Variants in NNT observed in about 807,000 individuals in gnomAD.
NNT encodes the protein nicotinamide nucleotide transhydrogenase, also known as NAD(P) transhydrogenase, mitochondrial.
Under a neutral mutation model 104.8 loss-of-function variants are expected in NNT, and 50 were observed. That is an observed-to-expected ratio of 0.48 (90% CI 0.38 to 0.60). The LOEUF is 0.60. Among genes scored for constraint, NNT ranks in the 20% least tolerant of loss-of-function variants. The pLI, the probability that NNT is intolerant of heterozygous loss-of-function variation, is 0.00. For synonymous variants in NNT, 461 were observed against 490.4 expected, an observed-to-expected ratio of 0.94 and a Z score of 0.79; for missense variants, 1,131 against 1,330.7, an observed-to-expected ratio of 0.85 and a Z score of 2.33.
chr5:43,642,611 G>A (rs1751296966), intron 7 of NNT, among the ~76,000 whole-genome samples: 1 of 152,200 alleles, frequency 6.6e-6, no homozygotes, highest in Non-Finnish European at 1.5e-5. Flanking sequence ...CGAGCCCAGT[G>A]TGGCTGAAAT....
intron 4 of NNT, among the ~76,000 whole-genome samples, chr5:43,618,258 C>T (rs1367280085): frequency 1.3e-5 from 2 of 152,108 alleles, no homozygotes. Context: ...TCCTCACGAC[C>T]CTAAAAGATA....
intron 17 of NNT, among the ~76,000 whole-genome samples, chr5:43,664,907 A>G (rs538695937): frequency 6.6e-6 from 1 of 152,318 alleles, no homozygotes; most frequent in South Asian, 2.1e-4. Context: ...TACATGTTTA[A>G]CAAGTTGACT....
rs1579962302 is a variant in NNT, at chr5:43,606,853, T to C, written c.-53-2290T>C. Among the ~76,000 whole-genome samples the C allele has an allele frequency of 2.0e-5, 3 of 152,376 alleles. No individual in the cohort carries two copies. In the East Asian group the frequency reaches 5.8e-4, roughly 29 times the overall value. On this transcript the variant is annotated intron_variant, in intron 1 of 21. Coordinates refer to ENST00000344920, the MANE Select transcript of NNT (RefSeq NM_182977.3). Reference sequence around the variant, plus strand: ...ATGGCAAAACTCTGCCCTTGGTATATATTTGTTGAATTAAGGGGCATCTTA... The same window carrying C: ...ATGGCAAAACTCTGCCCTTGGTATACATTTGTTGAATTAAGGGGCATCTTA...
At chr5:43,634,346 G>A (rs1205393529) in intron 7 of NNT, among the ~76,000 whole-genome samples, 3 of 152,076 alleles carry the variant, frequency 2.0e-5, no homozygotes, top group East Asian at 1.9e-4. Context: ...CTGTGCTTTC[G>A]GGCAAGAGAG....
chr5:43,615,618 GGT>G (rs1184520643), intron 3 of NNT, among the ~76,000 whole-genome samples: 1 of 152,136 alleles, frequency 6.6e-6, no homozygotes, highest in African/African-American at 2.4e-5. Flanking sequence ...GTATTTCCCA[GGT>G]GTGTGTGCCC....
At chr5:43,628,129 G>A (rs1184407498) in intron 6 of NNT, 71 bp from the exon 7 acceptor site, 1 of 1,190,930 alleles carries the variant, frequency 8.4e-7, no homozygotes, top group Non-Finnish European at 1.1e-6. Context: ...AAAGGTATAT[G>A]TAAATGATGA....
At chr5:43,639,098 T>C (rs1751087394) in intron 7 of NNT, among the ~76,000 whole-genome samples, 1 of 152,162 alleles carries the variant, frequency 6.6e-6, no homozygotes. Context: ...GATATATTCT[T>C]TTGCTACATA....
intron 19 of NNT, among the ~76,000 whole-genome samples, chr5:43,694,858 C>T (rs538732639): frequency 2.6e-4 from 39 of 150,944 alleles, no homozygotes; most frequent in African/African-American, 2.7e-4. Flanking sequence ...TTGGTTTTTT[C>T]GAATCATTTC....
At chr5:43,700,359 A>G (rs2112248379) in intron 20 of NNT, 122 bp downstream of exon 20, 4 of 607,760 alleles carry the variant, frequency 6.6e-6, no homozygotes, top group South Asian at 4.8e-5. Flanking sequence ...GAACTTGTAC[A>G]TGGTAGATAA....
At chr5:43,670,958 CG>C (rs1417801021) in intron 17 of NNT, among the ~76,000 whole-genome samples, 2 of 152,056 alleles carry the variant, frequency 1.3e-5, no homozygotes, top group Non-Finnish European at 2.9e-5. Flanking sequence ...TTTATGAATC[CG>C]GGTGCCCCTG....
chr5:43,651,897 T>G lies in NNT; in HGVS notation c.1863+13T>G, dbSNP rs1417058606. The G allele has an allele frequency of 1.9e-6, 3 of 1,609,742 alleles. No individual in the cohort carries two copies. The highest frequency in any genetic ancestry group is 3.4e-5 in the Admixed American group (2 of 58,930). On this transcript the variant is annotated intron_variant, in intron 13 of 21. Coordinates refer to ENST00000344920, the MANE Select transcript of NNT (RefSeq NM_182977.3). ...TAACATTGAACAGGTAAGATGCTCT[T>G]TGTAAGTTTTTATATTTACCACAAT...
At chr5:43,623,271 CA>C in intron 5 of NNT, among the ~76,000 whole-genome samples, 1 of 152,244 alleles carries the variant, frequency 6.6e-6, no homozygotes, top group East Asian at 1.9e-4. Flanking sequence ...TCTACAGGAA[CA>C]AAGTGTTGCT....
chr5:43,631,446 A>T (rs1234484825), intron 7 of NNT, among the ~76,000 whole-genome samples: 1 of 152,186 alleles, frequency 6.6e-6, no homozygotes, highest in Non-Finnish European at 1.5e-5. Context: ...TGCAGCCACC[A>T]TCTGACCTCT....
rs137932690 is a variant in NNT at position 43,694,044 on chromosome 5, T to C, written c.2877-6075T>C. 1.7e-4 allele frequency among the ~76,000 whole-genome samples: 26 copies of C among 152,344 alleles called. No individual in the cohort carries two copies. In the East Asian group the frequency reaches 4.8e-3, roughly 28 times the overall value. On this transcript the variant is annotated intron_variant, in intron 19 of 21. Transcript: ENST00000344920. ...TTATAAAACCCATGGAATTTCGTAATGTGGAATTTTGTAATGTTCCTGATT... is the reference window on the plus strand; with the variant it reads ...TTATAAAACCCATGGAATTTCGTAACGTGGAATTTTGTAATGTTCCTGATT...
intron 19 of NNT, among the ~76,000 whole-genome samples, chr5:43,687,324 T>C (rs575749797): frequency 6.6e-6 from 1 of 152,302 alleles, no homozygotes; most frequent in African/African-American, 2.4e-5. Flanking sequence ...TAAAAGATAA[T>C]GTTCATAGTT....
chr5:43,612,544 G>A (rs1304851015), intron 2 of NNT, among the ~76,000 whole-genome samples: 2 of 152,168 alleles, frequency 1.3e-5, no homozygotes, highest in Non-Finnish European at 2.9e-5. Flanking sequence ...AAAAGTAAGG[G>A]CAAGGAGACC....
Position 43,624,087 on chromosome 5 carries a change from C to G in NNT, c.743C>G (p.Ser248Trp), listed in dbSNP as rs199933290. The change falls in exon 6 of 22, where the codon TCG becomes TGG. Residue 248 changes from serine (S) to tryptophan (W), a missense_variant. Coordinates refer to ENST00000344920, the MANE Select transcript of NNT (RefSeq NM_182977.3). ...CTTGCTTCTGCAGGCGCAGCAAAGTCGATGGGTGCAATTGTTCGAGGATTT... is the reference window on the plus strand; with the variant it reads ...CTTGCTTCTGCAGGCGCAGCAAAGTGGATGGGTGCAATTGTTCGAGGATTT... ...AGLASAGAAKSMGAIVRGFDT... is the reference protein window; with the variant it reads ...AGLASAGAAKWMGAIVRGFDT... 4.3e-6 allele frequency: 7 copies of G among 1,614,102 alleles called. No homozygotes were observed. The highest frequency in any genetic ancestry group is 5.9e-6 in the Non-Finnish European group (7 of 1,180,016).
chr5:43,615,915 C>A lies in NNT; in HGVS notation c.449C>A (p.Thr150Lys). Residue 150 changes from threonine to lysine, a missense_variant, in exon 4 of 22, where the codon ACG (threonine) becomes AAG (lysine). Thr to Lys is a moderately conservative substitution (Grantham distance 78). Transcript: ENST00000344920. ...HEADLLKTSG[T>K]LISFIYPAQN... ...GCTGACCTTTTAAAGACATCAGGAA[C>A]GCTGATTAGTTTTATTTACCCAGCC... is the stretch of plus-strand genomic sequence containing the variant. The A allele has an allele frequency of 6.2e-7, 1 of 1,614,100 alleles. No individual in the cohort carries two copies. The highest frequency in any genetic ancestry group is 8.5e-7 in the Non-Finnish European group (1 of 1,180,000).
Position 43,681,601 on chromosome 5 carries a change from C to T in NNT, c.2876+3795C>T, listed in dbSNP as rs571097761. ...TTTTGGTAGAGACGGGGTTTCGCCACGTTGGCCAGGCTGGTCTTGAACTCC... is the reference window on the plus strand; with the variant it reads ...TTTTGGTAGAGACGGGGTTTCGCCATGTTGGCCAGGCTGGTCTTGAACTCC... On this transcript the variant is annotated intron_variant, in intron 19 of 21. Transcript: ENST00000344920. Among the ~76,000 whole-genome samples, 4 of 152,012 alleles carry T rather than the reference C, an allele frequency of 2.6e-5. No homozygotes were observed. In the East Asian group the frequency reaches 5.9e-4, roughly 22 times the overall value.
Sources: allele counts gnomAD v4.1 joint callset (sites outside exome capture counted in the v4.1 genomes callset), GRCh38; gene constraint gnomAD v4.1.1; transcripts MANE v1.5; gene names NCBI Gene and HGNC (gene_info 2026-07-23, HGNC 2026-07-21).